FBXL17: variants seen among roughly 807,000 people sequenced by gnomAD.
The protein encoded by FBXL17 is F-box/LRR-repeat protein 17.
Under a neutral mutation model 66.2 loss-of-function variants are expected in FBXL17, and 22 were observed. That is an observed-to-expected ratio of 0.33 (90% CI 0.24 to 0.47). The LOEUF is 0.47. Among genes scored for constraint, FBXL17 ranks in the 20% least tolerant of loss-of-function variants. The pLI, the probability that FBXL17 is intolerant of heterozygous loss-of-function variation, is 1.00. For missense variants in FBXL17, 878 were observed against 948.2 expected, an observed-to-expected ratio of 0.93 and a Z score of 0.97; for synonymous variants, 474 against 400.5, an observed-to-expected ratio of 1.18 and a Z score of -2.19.
At chr5:108,108,082 C>T (rs1749881758) in intron 6 of FBXL17, among the ~76,000 whole-genome samples, 1 of 152,104 alleles carries the variant, frequency 6.6e-6, no homozygotes. Flanking sequence ...TTTGTACGTA[C>T]TGTTTACTCA....
At chr5:108,180,673 C>T (rs1752965763) in intron 6 of FBXL17, among the ~76,000 whole-genome samples, 1 of 152,078 alleles carries the variant, frequency 6.6e-6, no homozygotes, top group Non-Finnish European at 1.5e-5. Context: ...GATGCAATAG[C>T]TTCCCTTACA....
At chr5:107,979,675 T>C (rs558340630) in intron 7 of FBXL17, among the ~76,000 whole-genome samples, 3 of 152,292 alleles carry the variant, frequency 2.0e-5, no homozygotes, top group Admixed American at 6.5e-5. Flanking sequence ...GAATCTATTA[T>C]AGGGGCTTGA....
At chr5:107,935,399 TTATA>T (rs1208087059) in intron 7 of FBXL17, among the ~76,000 whole-genome samples, 1 of 148,128 alleles carries the variant, frequency 6.8e-6, no homozygotes, top group Admixed American at 6.7e-5. Flanking sequence ...GCATCTCTCT[TTATA>T]TATATATATG....
At chr5:108,303,361 A>AACACACACACAC (rs58495859) in intron 4 of FBXL17, among the ~76,000 whole-genome samples, 2 of 141,872 alleles carry the variant, frequency 1.4e-5, no homozygotes, top group Admixed American at 7.0e-5. Flanking sequence ...CACAGGCATA[A>AACACACACACAC]ACACACACAC....
chr5:108,047,302 C>T (rs999473303), intron 6 of FBXL17, among the ~76,000 whole-genome samples: 1 of 152,210 alleles, frequency 6.6e-6, no homozygotes, highest in Non-Finnish European at 1.5e-5. Flanking sequence ...TGGAACTGTG[C>T]AACCCACAGA....
At chr5:108,021,628 C>T (rs1181290488) in intron 6 of FBXL17, among the ~76,000 whole-genome samples, 3 of 151,174 alleles carry the variant, frequency 2.0e-5, no homozygotes, top group Non-Finnish European at 3.0e-5. Flanking sequence ...GTAAGACTGT[C>T]TTTTCTGGTT....
intron 6 of FBXL17, among the ~76,000 whole-genome samples, chr5:108,052,291 T>C (rs549692279): frequency 6.6e-6 from 1 of 152,250 alleles, no homozygotes; most frequent in East Asian, 1.9e-4. Context: ...ATTACATGAC[T>C]CTATACTGAG....
chr5:107,983,349 G>A (rs1752895364), intron 7 of FBXL17, among the ~76,000 whole-genome samples: 1 of 151,944 alleles, frequency 6.6e-6, no homozygotes, highest in Non-Finnish European at 1.5e-5. Flanking sequence ...GCGCCACTAT[G>A]CCCAGCTAAT....
intron 7 of FBXL17, among the ~76,000 whole-genome samples, chr5:107,913,973 G>T (rs911100591): frequency 2.0e-5 from 3 of 146,738 alleles, no homozygotes; most frequent in African/African-American, 7.5e-5. Flanking sequence ...CATTTTATGA[G>T]TTTTTTTTTT....
chr5:108,168,680 C>CA (rs1752498092), intron 6 of FBXL17, among the ~76,000 whole-genome samples: 1 of 152,056 alleles, frequency 6.6e-6, no homozygotes, highest in South Asian at 2.1e-4. Context: ...TAATAAAACA[C>CA]AGAGAGTTGC....
intron 5 of FBXL17, among the ~76,000 whole-genome samples, chr5:108,217,728 T>C (rs1193939404): frequency 6.6e-6 from 1 of 152,164 alleles, no homozygotes; most frequent in Non-Finnish European, 1.5e-5. Flanking sequence ...GAACTTACTC[T>C]TGCTGCCTAA....
At chr5:108,015,523 A>G (rs1368505300) in intron 7 of FBXL17, among the ~76,000 whole-genome samples, 1 of 152,210 alleles carries the variant, frequency 6.6e-6, no homozygotes, top group Non-Finnish European at 1.5e-5. Context: ...TTTCATTTAA[A>G]ATGGGAGATC....
At chr5:108,011,273 G>A (rs960495803) in intron 7 of FBXL17, among the ~76,000 whole-genome samples, 7 of 152,140 alleles carry the variant, frequency 4.6e-5, no homozygotes, top group African/African-American at 1.4e-4. Flanking sequence ...TTGAAGAGCA[G>A]GTAAAACCAT....
At chr5:108,304,610 T>A (rs533339894) in intron 4 of FBXL17, among the ~76,000 whole-genome samples, 62 of 152,092 alleles carry the variant, frequency 4.1e-4, no homozygotes, top group African/African-American at 1.4e-3. Context: ...AATACACCTA[T>A]CTGCAAGCCC....
intron 6 of FBXL17, among the ~76,000 whole-genome samples, chr5:108,064,046 G>A (rs1748025123): frequency 1.3e-5 from 2 of 151,890 alleles, no homozygotes; most frequent in South Asian, 4.2e-4. Context: ...GTTTGCATGT[G>A]TTATATATTG....
At chr5:108,017,682 C>T (rs1162053255) in intron 7 of FBXL17, among the ~76,000 whole-genome samples, 1 of 152,094 alleles carries the variant, frequency 6.6e-6, no homozygotes, top group Non-Finnish European at 1.5e-5. Flanking sequence ...TTTTTTTCCA[C>T]AACACTGCCA....
intron 6 of FBXL17, among the ~76,000 whole-genome samples, chr5:108,027,608 A>G (rs2112778182): frequency 6.6e-6 from 1 of 152,280 alleles, no homozygotes; most frequent in Middle Eastern, 3.4e-3. Context: ...TAAAATGATG[A>G]ACATAATACT....
intron 4 of FBXL17, among the ~76,000 whole-genome samples, chr5:108,258,762 A>C (rs1377635365): frequency 7.3e-6 from 1 of 136,060 alleles, no homozygotes; most frequent in African/African-American, 3.6e-5. Flanking sequence ...TTTTTTGCTA[A>C]AACACTCTAG....
In FBXL17 at chr5:108,167,982, A is replaced by T. The variant is rs556217628; in HGVS notation, c.1745+18135T>A. On this transcript the variant is annotated intron_variant, in intron 6 of 8. Transcript: ENST00000542267. The stretch of plus-strand genomic sequence containing the variant: ...AAACTACATCTCTTTTAGAGATCAT[A>T]TCGTTGCTCCTGGGGAAAGGAGGAA... Among the ~76,000 whole-genome samples the T allele has an allele frequency of 2.0e-5, 3 of 152,294 alleles. No individual in the cohort carries two copies. In the East Asian group the frequency reaches 5.8e-4, roughly 29 times the overall value.
Sources: gnomAD v4.1 joint callset for allele counts (sites outside exome capture counted in the v4.1 genomes callset) on GRCh38, gnomAD v4.1.1 for gene constraint, MANE v1.5 for transcripts, NCBI Gene and HGNC (gene_info 2026-07-23, HGNC 2026-07-21) for gene names.